MYO16: variants seen among roughly 807,000 people sequenced by gnomAD.
MYO16 encodes the protein unconventional myosin-XVI.
MYO16 carries 94 observed loss-of-function variants against 205.3 expected under a neutral mutation model. The observed-to-expected ratio is 0.46, with a 90% CI of 0.39 to 0.54. The LOEUF is 0.54. Ranked by LOEUF, MYO16 falls within the 20% of genes least tolerant of loss-of-function variation. MYO16 has a pLI of 0.00. For synonymous variants in MYO16, 988 were observed against 954.0 expected, an observed-to-expected ratio of 1.04 and a Z score of -0.66; for missense variants, 2,315 against 2,387.5, an observed-to-expected ratio of 0.97 and a Z score of 0.63.
At position 109,203,529 on chromosome 13, in the gene MYO16, G is replaced by A. The variant is rs77246913; in HGVS notation, c.5416-3080G>A. ...TTCACTCTTACTGTAGTTCCTCGCTGGGCTGTGCTGGAGAACCAGTCTACC... is the reference window on the plus strand; with the variant it reads ...TTCACTCTTACTGTAGTTCCTCGCTAGGCTGTGCTGGAGAACCAGTCTACC... On this transcript the variant is annotated intron_variant, in intron 34 of 34. Transcript: ENST00000457511. Among the ~76,000 whole-genome samples, 820 of 151,872 alleles carry A rather than the reference G, an allele frequency of 5.4e-3. 9 individuals carry two copies. Among genetic ancestry groups the A allele is most frequent in the African/African-American group, 0.018 (759 of 41,392 alleles).
intron 24 of MYO16, chr13:109,048,382 C>T (rs1332403465): frequency 4.0e-6 from 3 of 744,878 alleles, no homozygotes; most frequent in South Asian, 3.0e-5. Flanking sequence ...ACAATGTACC[C>T]TTTTGTATTT....
intron 32 of MYO16, among the ~76,000 whole-genome samples, chr13:109,144,796 C>T (rs917182476): frequency 6.6e-6 from 1 of 152,110 alleles, no homozygotes; most frequent in African/African-American, 2.4e-5. Context: ...ACAATGACAT[C>T]GAGGAGATTA....
intron 27 of MYO16, among the ~76,000 whole-genome samples, chr13:109,063,065 T>G (rs1217155163): frequency 6.6e-6 from 1 of 152,148 alleles, no homozygotes; most frequent in East Asian, 1.9e-4. Flanking sequence ...CAACCACTGC[T>G]TTGAATGGGA....
chr13:108,506,871 T>C, the MYO16 span, among the ~76,000 whole-genome samples: 1 of 152,130 alleles, frequency 6.6e-6, no homozygotes, highest in Admixed American at 6.5e-5. Flanking sequence ...TCCTTTCTAG[T>C]TTGTTGAATT....
intron 4 of MYO16, among the ~76,000 whole-genome samples, chr13:108,741,863 C>T (rs775362130): frequency 5.9e-5 from 9 of 152,240 alleles, no homozygotes; most frequent in Middle Eastern, 3.4e-3. Flanking sequence ...ACAATTTGAG[C>T]AAAAGAGGGC....
chr13:108,691,428 T>G (rs1028948663), intron 2 of MYO16, among the ~76,000 whole-genome samples: 32 of 150,606 alleles, frequency 2.1e-4, no homozygotes, highest in Non-Finnish European at 4.6e-4. Flanking sequence ...GAGAGAGAGA[T>G]AGAGAGAGAG....
intron 4 of MYO16, among the ~76,000 whole-genome samples, chr13:108,747,768 C>G: frequency 6.6e-6 from 1 of 151,766 alleles, no homozygotes; most frequent in East Asian, 1.9e-4. Flanking sequence ...TGATCCAACT[C>G]TAGGTCGTCT....
At chr13:109,190,388 T>C (rs1006334359) in intron 34 of MYO16, among the ~76,000 whole-genome samples, 6 of 152,226 alleles carry the variant, frequency 3.9e-5, no homozygotes, top group African/African-American at 1.4e-4. Flanking sequence ...CAGTGACATA[T>C]AATCAGTCAG....
chr13:108,720,454 A>G (rs936857746), intron 3 of MYO16, among the ~76,000 whole-genome samples: 1 of 152,206 alleles, frequency 6.6e-6, no homozygotes, highest in East Asian at 1.9e-4. Context: ...TCACTGTAGA[A>G]ATGTTCTTTG....
chr13:109,021,101 G>C lies in MYO16; in HGVS notation c.2796+1190G>C, dbSNP rs780289805. On this transcript the variant is annotated intron_variant, in intron 23 of 34. Transcript: ENST00000457511. Reference sequence around the variant, plus strand: ...GAGCTCACTAATTATAAAAGAGAAGGGGGGACATTCTTGGAAAGACATAGA... The same window carrying C: ...GAGCTCACTAATTATAAAAGAGAAGCGGGGACATTCTTGGAAAGACATAGA... 2.0e-5 allele frequency among the ~76,000 whole-genome samples: 3 copies of C among 152,206 alleles called. No homozygotes were observed. The South Asian group carries it at 6.2e-4, about 32-fold the overall frequency.
intron 6 of MYO16, among the ~76,000 whole-genome samples, chr13:108,799,649 C>T (rs1429738957): frequency 6.6e-6 from 1 of 152,130 alleles, no homozygotes; most frequent in Non-Finnish European, 1.5e-5. Flanking sequence ...CCCAAGTTTT[C>T]ACCCCCAGCC....
chr13:108,933,832 A>G (rs1303777744), intron 16 of MYO16, among the ~76,000 whole-genome samples: 1 of 151,988 alleles, frequency 6.6e-6, no homozygotes, highest in Non-Finnish European at 1.5e-5. Context: ...GTTCCCTCTT[A>G]TAAGTAACAA....
intron 2 of MYO16, among the ~76,000 whole-genome samples, chr13:108,684,585 G>C (rs969308669): frequency 4.5e-4 from 68 of 152,224 alleles, no homozygotes; most frequent in Non-Finnish European, 2.4e-4. Context: ...GAATTTCCTG[G>C]GTGATAGGGA....
At chr13:108,626,116 G>T (rs1416567448), upstream of MYO16, among the ~76,000 whole-genome samples, 1 of 151,818 alleles carries the variant, frequency 6.6e-6, no homozygotes, top group Non-Finnish European at 1.5e-5. Context: ...AAATAATTTA[G>T]CCTTATTTGA....
At chr13:108,798,883 T>A (rs1210195703) in intron 6 of MYO16, among the ~76,000 whole-genome samples, 1 of 142,724 alleles carries the variant, frequency 7.0e-6, no homozygotes, top group Non-Finnish European at 1.5e-5. Context: ...TTTTTTGTAT[T>A]TTTAGTAGAG....
At chr13:109,018,280 T>C (rs1038748259) in intron 22 of MYO16, among the ~76,000 whole-genome samples, 1 of 152,222 alleles carries the variant, frequency 6.6e-6, no homozygotes, top group African/African-American at 2.4e-5. Flanking sequence ...CCTGTTTGCC[T>C]GGGTATCACC....
At chr13:108,880,047 C>G (rs531225428) in intron 12 of MYO16, among the ~76,000 whole-genome samples, 2,152 of 152,196 alleles carry the variant, frequency 0.014, 44 homozygotes, top group African/African-American at 0.049. Flanking sequence ...TTTTAATGAT[C>G]GCCATTCTAA....
At chr13:108,497,338 T>C in the MYO16 span, among the ~76,000 whole-genome samples, 1 of 152,238 alleles carries the variant, frequency 6.6e-6, no homozygotes, top group African/African-American at 2.4e-5. Flanking sequence ...AACCTGTCTA[T>C]TGGTCTTTTT....
intron 33 of MYO16, among the ~76,000 whole-genome samples, chr13:109,175,613 T>C (rs1879134398): frequency 6.6e-6 from 1 of 152,166 alleles, no homozygotes; most frequent in African/African-American, 2.4e-5. Flanking sequence ...AGCACACTAT[T>C]GCCCTGGAAA....
Sources: allele counts gnomAD v4.1 joint callset (sites outside exome capture counted in the v4.1 genomes callset), GRCh38; gene constraint gnomAD v4.1.1; transcripts MANE v1.5; gene names NCBI Gene and HGNC (gene_info 2026-07-23, HGNC 2026-07-21).